Variants in ZFYVE28 observed in about 807,000 individuals in gnomAD.
The protein encoded by ZFYVE28 is zinc finger FYVE-type containing 28, also known as lateral signaling target protein 2 homolog.
ZFYVE28 carries 40 observed loss-of-function variants against 82.1 expected under a neutral mutation model. The ratio of observed to expected loss-of-function variants is 0.49; its 90% CI spans 0.38 to 0.63. The LOEUF (loss-of-function observed/expected upper bound fraction) is 0.63, where lower values mean the gene tolerates loss of function less well. ZFYVE28 is among the 30% of genes least tolerant of loss of function. The pLI is 0.00. For missense variants in ZFYVE28, 1,321 were observed against 1,242.1 expected, an observed-to-expected ratio of 1.06 and a Z score of -0.96; for synonymous variants, 612 against 546.1, an observed-to-expected ratio of 1.12 and a Z score of -1.68.
rs929810588 is a variant in ZFYVE28 at position 2,394,724 on chromosome 4, G to A, written c.39+23561C>T. Among the ~76,000 whole-genome samples, 6 of 152,354 alleles carry A rather than the reference G, an allele frequency of 3.9e-5. No individual in the cohort carries two copies. The South Asian group carries it at 6.2e-4, about 16-fold the overall frequency. On this transcript the variant is annotated intron_variant, in intron 1 of 12. Coordinates refer to ENST00000290974, the MANE Select transcript of ZFYVE28 (RefSeq NM_020972.3). This position sits in a 1 kb window ranked among gnomAD's most constrained non-coding sequence, Gnocchi z 4.0. Reference sequence around the variant, plus strand: ...ATCCTGTGAACAGGCACCACTCTGCGCAGCTGCATCGATGCCTGACTGCAC... The same window carrying A: ...ATCCTGTGAACAGGCACCACTCTGCACAGCTGCATCGATGCCTGACTGCAC...
chr4:2,272,338 T>C (rs1277627365), intron 10 of ZFYVE28, among the ~76,000 whole-genome samples: 2 of 152,202 alleles, frequency 1.3e-5, no homozygotes, highest in East Asian at 3.9e-4. Context: ...GGGATGGCTC[T>C]GCTGGAACAA....
At chr4:2,381,020 G>C (rs189399147) in intron 1 of ZFYVE28, among the ~76,000 whole-genome samples, 1 of 152,364 alleles carries the variant, frequency 6.6e-6, no homozygotes, top group East Asian at 1.9e-4. Flanking sequence ...AGTTGGAACA[G>C]TTTGGAGGGC....
At chr4:2,336,086 C>T (rs1376145679) in intron 5 of ZFYVE28, among the ~76,000 whole-genome samples, 1 of 152,184 alleles carries the variant, frequency 6.6e-6, no homozygotes, top group Non-Finnish European at 1.5e-5. Context: ...TGTGTGAGGA[C>T]AGCTATGATG....
chr4:2,305,054 G>C lies in ZFYVE28; in HGVS notation c.1286C>G (p.Thr429Ser), dbSNP rs746450436. 1.7e-5 allele frequency: 28 copies of C among 1,611,704 alleles called. No homozygotes were observed. The highest frequency in any genetic ancestry group is 2.4e-5 in the Non-Finnish European group (28 of 1,179,320). Reference protein sequence around the residue: ...PAGPFGWAGSTWADPQEKGQG... With the variant: ...PAGPFGWAGSSWADPQEKGQG... ...CCCTTTCTCCTGGGGGTCGGCCCAG[G>C]TACTGCCTGCCCACCCAAATGGGCC... is the stretch of plus-strand genomic sequence containing the variant. The change falls in exon 8 of 13, where the codon ACC becomes AGC. Residue 429 changes from threonine (T) to serine (S), a missense_variant. By Grantham distance (58) the Thr-to-Ser change is moderately conservative. Coordinates refer to ENST00000290974, the MANE Select transcript of ZFYVE28 (RefSeq NM_020972.3).
At chr4:2,286,352 G>A (rs73085142) in intron 8 of ZFYVE28, 6,943 of 152,470 alleles carry the variant, frequency 0.046, 393 homozygotes, top group East Asian at 0.17. Flanking sequence ...TGCCCTTTGC[G>A]GGGGTGGGAG....
chr4:2,344,552 A>T (rs901883546), intron 2 of ZFYVE28, among the ~76,000 whole-genome samples: 1 of 152,224 alleles, frequency 6.6e-6, no homozygotes, highest in Non-Finnish European at 1.5e-5. Context: ...AGTAATACAA[A>T]AATAGCCCCC....
chr4:2,389,360 C>T (rs1447761780), intron 1 of ZFYVE28, among the ~76,000 whole-genome samples: 3 of 152,182 alleles, frequency 2.0e-5, no homozygotes, highest in Non-Finnish European at 4.4e-5. Flanking sequence ...TGAGGCTACC[C>T]CCATGCCCCA....
rs551225532 is a variant in ZFYVE28, at chr4:2,320,977, C to T, written c.702-706G>A. ...CACCTCCAGTGGCACCCACTCCTCTCCACGCACCGTCCAGCCCTGCCAAGC... is the reference window on the plus strand; with the variant it reads ...CACCTCCAGTGGCACCCACTCCTCTTCACGCACCGTCCAGCCCTGCCAAGC... On this transcript the variant is annotated intron_variant, in intron 6 of 12. Transcript: ENST00000290974. The surrounding 1 kb of genome is among the most constrained non-coding windows in gnomAD (Gnocchi z 5.1). Among the ~76,000 whole-genome samples the T allele has an allele frequency of 6.6e-6, 1 of 152,290 alleles. No homozygotes were observed. The highest frequency in any genetic ancestry group is 1.9e-4 in the East Asian group (1 of 5,174).
intron 1 of ZFYVE28, among the ~76,000 whole-genome samples, chr4:2,402,995 C>T (rs1376820674): frequency 6.6e-6 from 1 of 152,258 alleles, no homozygotes. Flanking sequence ...TGGGAGTCTC[C>T]ATGAGGCTGG....
Position 2,290,317 on chromosome 4 carries a change from A to C in ZFYVE28, c.2051+13972T>G, listed in dbSNP as rs370423656. ...GAGGAGCTGGGGTCTCCTCAGCTACAGAACAGGGTCTCGAACTCTTGGCCT... is the reference window on the plus strand; with the variant it reads ...GAGGAGCTGGGGTCTCCTCAGCTACCGAACAGGGTCTCGAACTCTTGGCCT... On this transcript the variant is annotated intron_variant, in intron 8 of 12. Transcript: ENST00000290974. Among the ~76,000 whole-genome samples, 22 of 152,322 alleles carry C rather than the reference A, an allele frequency of 1.4e-4. No individual in the cohort carries two copies. The East Asian group carries it at 2.9e-3, about 20-fold the overall frequency.
chr4:2,300,900 T>G lies in ZFYVE28; in HGVS notation c.2051+3389A>C, dbSNP rs1248407387. Among the ~76,000 whole-genome samples the G allele has an allele frequency of 6.6e-6, 1 of 151,998 alleles. No individual in the cohort carries two copies. Among genetic ancestry groups the G allele is most frequent in the Non-Finnish European group, 1.5e-5 (1 of 67,974 alleles). On this transcript the variant is annotated intron_variant, in intron 8 of 12. Coordinates refer to ENST00000290974, the MANE Select transcript of ZFYVE28 (RefSeq NM_020972.3). The surrounding 1 kb of genome is among the most constrained non-coding windows in gnomAD (Gnocchi z 4.6). ...GTCTCACGGCCAAACAGGCCCGGGCTCTTCCAGATGCTCTCAGCTGAGGCA... is the reference window on the plus strand; with the variant it reads ...GTCTCACGGCCAAACAGGCCCGGGCGCTTCCAGATGCTCTCAGCTGAGGCA...
intron 1 of ZFYVE28, among the ~76,000 whole-genome samples, chr4:2,381,644 T>C (rs1206946488): frequency 2.6e-5 from 4 of 152,188 alleles, no homozygotes; most frequent in Admixed American, 1.3e-4. Context: ...TGACCTCAAA[T>C]GATCTTCCCA....
intron 1 of ZFYVE28, among the ~76,000 whole-genome samples, chr4:2,376,718 G>A (rs990968675): frequency 6.6e-6 from 1 of 152,134 alleles, no homozygotes. Context: ...CACGACATGT[G>A]GGGATTATGG....
At position 2,339,342 on chromosome 4, in the gene ZFYVE28, C is replaced by A; in HGVS notation, c.521+111G>T. ...CACAGGCGGCCCTGAACCTGCCTGG[C>A]TCCTCCCTCTGTGGAATTTTCCAGC... On this transcript the variant is annotated intron_variant, in intron 4 of 12. Transcript: ENST00000290974. This position sits in a 1 kb window ranked among gnomAD's most constrained non-coding sequence, Gnocchi z 5.0. 1 of 1,302,196 alleles carries A rather than the reference C, an allele frequency of 7.7e-7. No individual in the cohort carries two copies. The highest frequency in any genetic ancestry group is 2.5e-5 in the East Asian group (1 of 40,002). 80.7% of individuals were successfully genotyped at this position (1,302,196 alleles called of 1,614,324 possible).
intron 8 of ZFYVE28, among the ~76,000 whole-genome samples, chr4:2,296,886 G>C (rs1481708125): frequency 1.3e-5 from 2 of 152,204 alleles, no homozygotes; most frequent in African/African-American, 2.4e-5. Flanking sequence ...TCTACCTGGA[G>C]GCTGCCTGTG....
intron 8 of ZFYVE28, among the ~76,000 whole-genome samples, chr4:2,302,965 C>T (rs75341721): frequency 0.015 from 2,324 of 152,326 alleles, 55 homozygotes; most frequent in African/African-American, 0.05. Flanking sequence ...GTTCCTGCCG[C>T]GCCCTCGTTA....
At chr4:2,340,098 C>A (rs1053171247) in intron 3 of ZFYVE28, among the ~76,000 whole-genome samples, 4 of 152,210 alleles carry the variant, frequency 2.6e-5, no homozygotes, top group African/African-American at 9.6e-5. Flanking sequence ...CAGGTCTGTG[C>A]TCCCAGGGAT....
chr4:2,329,292 A>G lies in ZFYVE28; in HGVS notation c.701+6413T>C, dbSNP rs76739812. ...CTTTAATTATGTCTTTAATTTTTTCAGCAACGTTTTTTAGTTTTCAGCATC... is the reference window on the plus strand; with the variant it reads ...CTTTAATTATGTCTTTAATTTTTTCGGCAACGTTTTTTAGTTTTCAGCATC... On this transcript the variant is annotated intron_variant, in intron 6 of 12. Transcript: ENST00000290974. 1.3e-3 allele frequency: 605 copies of G among 448,344 alleles called. 2 individuals are homozygous for G. Among genetic ancestry groups the G allele is most frequent in the African/African-American group, 0.011 (547 of 50,664 alleles). 27.8% of individuals were successfully genotyped at this position (448,344 alleles called of 1,614,324 possible).
chr4:2,338,317 G>A (rs1722184448), intron 4 of ZFYVE28, among the ~76,000 whole-genome samples: 1 of 152,230 alleles, frequency 6.6e-6, no homozygotes, highest in African/African-American at 2.4e-5. Context: ...GCCAGGTGCA[G>A]TAGCTCACGC....
Sources: allele counts gnomAD v4.1 joint callset (sites outside exome capture counted in the v4.1 genomes callset), GRCh38; gene constraint gnomAD v4.1.1; non-coding constraint Gnocchi (gnomAD v3.1); transcripts MANE v1.5; gene names NCBI Gene and HGNC (gene_info 2026-07-23, HGNC 2026-07-21).